VRK2: variants seen among roughly 807,000 people sequenced by gnomAD.
The protein encoded by VRK2 is serine/threonine-protein kinase VRK2.
In VRK2, 60 loss-of-function variants were observed where a neutral mutation model predicts 57.6. The ratio of observed to expected loss-of-function variants is 1.04; its 90% CI spans 0.85 to 1.29. The LOEUF (loss-of-function observed/expected upper bound fraction) is 1.29. Among genes scored for constraint, VRK2 ranks in the 50% most tolerant of loss-of-function variants. The pLI, the probability that VRK2 is intolerant of heterozygous loss-of-function variation, is 0.00. For missense variants in VRK2, 705 were observed against 588.1 expected (o/e 1.20, Z -2.06); for synonymous variants, 231 against 199.2 (o/e 1.16, Z -1.35).
rs12614286 is a variant in VRK2, at chr2:58,001,665, T to C, written c.-438-24000T>C. 3.8e-4 allele frequency among the ~76,000 whole-genome samples: 58 copies of C among 152,038 alleles called. No homozygotes were observed. The East Asian group carries it at 4.6e-3, about 12-fold the overall frequency. On this transcript the variant is annotated intron_variant, in intron 1 of 15. Coordinates refer to the VRK2 transcript ENST00000417641. ...AATGAAACCCCGTCTCTATTAAAAA[T>C]ACAAAAATTAGCCAGGCGTGGTGTC...
intron 9 of VRK2, among the ~76,000 whole-genome samples, chr2:58,134,757 T>C (rs1679762476): frequency 6.6e-6 from 1 of 152,122 alleles, no homozygotes; most frequent in African/African-American, 2.4e-5. Flanking sequence ...AGCATAAAGA[T>C]AGACTTCCTT....
chr2:58,000,508 T>C (rs1027691966), intron 1 of VRK2, among the ~76,000 whole-genome samples: 3 of 152,236 alleles, frequency 2.0e-5, no homozygotes, highest in African/African-American at 7.2e-5. Context: ...TAGATCATTT[T>C]AATAAGAGAA....
chr2:58,029,096 T>A (rs1187647911), intron 2 of VRK2, among the ~76,000 whole-genome samples: 1 of 151,532 alleles, frequency 6.6e-6, no homozygotes, highest in Non-Finnish European at 1.5e-5. Context: ...CTAACTGCAG[T>A]TCAGTTATTC....
At chr2:58,014,836 T>C (rs1287721141) in intron 1 of VRK2, among the ~76,000 whole-genome samples, 4 of 152,120 alleles carry the variant, frequency 2.6e-5, no homozygotes, top group Admixed American at 6.5e-5. Context: ...TATTATTGTG[T>C]AGGTGTAGAT....
intron 1 of VRK2, among the ~76,000 whole-genome samples, chr2:57,923,166 G>A (rs1670411043): frequency 6.6e-6 from 1 of 151,940 alleles, no homozygotes; most frequent in African/African-American, 2.4e-5. Flanking sequence ...TAGAGTGAAT[G>A]GTGCTGCAAT....
chr2:58,129,791 T>G (rs776772222), intron 8 of VRK2, among the ~76,000 whole-genome samples: 2 of 152,204 alleles, frequency 1.3e-5, no homozygotes, highest in Non-Finnish European at 2.9e-5. Context: ...CAGAAACATT[T>G]TTAGTCACTC....
chr2:58,113,096 G>T (rs1675815462), intron 7 of VRK2, among the ~76,000 whole-genome samples: 1 of 152,100 alleles, frequency 6.6e-6, no homozygotes, highest in South Asian at 2.1e-4. Flanking sequence ...AGATCATGAG[G>T]TCAGGAGTTC....
At chr2:57,924,384 T>C (rs1670464082) in intron 1 of VRK2, among the ~76,000 whole-genome samples, 1 of 152,016 alleles carries the variant, frequency 6.6e-6, no homozygotes, top group African/African-American at 2.4e-5. Flanking sequence ...TTTTTGTGTG[T>C]CTTCAATTTC....
intron 10 of VRK2, among the ~76,000 whole-genome samples, chr2:58,138,994 G>T (rs983937062): frequency 3.9e-5 from 6 of 152,026 alleles, no homozygotes; most frequent in African/African-American, 9.7e-5. Flanking sequence ...GGGAAAGGGG[G>T]TTTACTATGT....
intron 1 of VRK2, among the ~76,000 whole-genome samples, chr2:58,004,605 T>C (rs1300660915): frequency 6.6e-6 from 1 of 152,156 alleles, no homozygotes; most frequent in East Asian, 1.9e-4. Context: ...GTTTTGGATT[T>C]TGTTCATAAA....
chr2:58,111,389 C>T (rs990859083), intron 7 of VRK2, among the ~76,000 whole-genome samples: 1 of 151,940 alleles, frequency 6.6e-6, no homozygotes, highest in African/African-American at 2.4e-5. Flanking sequence ...TAAGGCTGTC[C>T]CTCGTACTCA....
intron 3 of VRK2, 103 bp from the exon 4 acceptor site, chr2:58,084,777 TA>T: frequency 1.4e-6 from 1 of 694,306 alleles, no homozygotes; most frequent in African/African-American, 1.9e-5. Flanking sequence ...ATTCAAGTAC[TA>T]TTATATACTA....
intron 7 of VRK2, among the ~76,000 whole-genome samples, chr2:58,094,162 C>T (rs896980490): frequency 3.3e-5 from 5 of 151,980 alleles, no homozygotes; most frequent in African/African-American, 1.2e-4. Flanking sequence ...TTTTTTGGTT[C>T]CATATGAACT....
At chr2:57,910,066 A>G (rs1669939265) in intron 1 of VRK2, among the ~76,000 whole-genome samples, 1 of 152,044 alleles carries the variant, frequency 6.6e-6, no homozygotes, top group African/African-American at 2.4e-5. Flanking sequence ...TTAGCCTGAT[A>G]GGTAAAATAA....
chr2:57,969,840 T>G (rs1672036989), intron 1 of VRK2, among the ~76,000 whole-genome samples: 1 of 152,068 alleles, frequency 6.6e-6, no homozygotes, highest in Admixed American at 6.6e-5. Flanking sequence ...TTTGATTTGG[T>G]AGCCCCATTG....
At chr2:58,146,961 C>G (rs568316049) in intron 12 of VRK2, among the ~76,000 whole-genome samples, 30 of 151,960 alleles carry the variant, frequency 2.0e-4, no homozygotes, top group African/African-American at 7.0e-4. Context: ...CTAATCTAAC[C>G]TTTTTTGACA....
intron 7 of VRK2, among the ~76,000 whole-genome samples, chr2:58,120,749 A>G (rs1677368486): frequency 6.6e-6 from 1 of 152,208 alleles, no homozygotes; most frequent in Non-Finnish European, 1.5e-5. Context: ...GCCACCTGCC[A>G]GTTGTATAAC....
intron 12 of VRK2, 72 bp downstream of exon 12, chr2:58,146,546 C>A: frequency 1.3e-6 from 2 of 1,505,806 alleles, no homozygotes; most frequent in South Asian, 1.3e-5. Flanking sequence ...GGAATAAAAA[C>A]ATCTTATTTT....
intron 1 of VRK2, among the ~76,000 whole-genome samples, chr2:58,005,129 G>C (rs1399714584): frequency 6.6e-6 from 1 of 152,114 alleles, no homozygotes; most frequent in African/African-American, 2.4e-5. Context: ...CCAATATATT[G>C]TATTCTGCAT....
Sources: allele counts gnomAD v4.1 joint callset (sites outside exome capture counted in the v4.1 genomes callset), GRCh38; gene constraint gnomAD v4.1.1; transcripts MANE v1.5; gene names NCBI Gene and HGNC (gene_info 2026-07-23, HGNC 2026-07-21).